The following KBTBD3 variants were observed in gnomAD, a reference collection of about 807,000 sequenced individuals.
The protein encoded by KBTBD3 is kelch repeat and BTB domain-containing protein 3.
In KBTBD3, 38 loss-of-function variants were observed where a neutral mutation model predicts 49.6. The ratio of observed to expected loss-of-function variants is 0.77; its 90% confidence interval spans 0.59 to 1.00. The LOEUF (loss-of-function observed/expected upper bound fraction) is 1.00, where lower values mean the gene tolerates loss of function less well. Ranked by LOEUF, KBTBD3 falls within the 50% of genes least tolerant of loss-of-function variation. KBTBD3 has a pLI of 0.00. For missense variants in KBTBD3, 661 were observed against 712.0 expected (o/e 0.93, Z 0.81); for synonymous variants, 214 against 250.4 (o/e 0.85, Z 1.37).
intron 2 of KBTBD3, among the ~76,000 whole-genome samples, chr11:106,059,872 G>A (rs2135004858): frequency 6.6e-6 from 1 of 152,264 alleles, no homozygotes; most frequent in Non-Finnish European, 1.5e-5. Flanking sequence ...TTGGGAACTT[G>A]GAGAACCAGA....
intron 2 of KBTBD3, among the ~76,000 whole-genome samples, chr11:106,072,695 G>A (rs1686608298): frequency 6.6e-6 from 1 of 152,104 alleles, no homozygotes; most frequent in Non-Finnish European, 1.5e-5. Flanking sequence ...TTAAACTAAA[G>A]CTGTGCTCTG....
chr11:106,054,023 C>A lies in KBTBD3; in HGVS notation c.666G>T (p.Trp222Cys). The change falls in exon 4 of 4, where the codon TGG (tryptophan) becomes TGT (cysteine). Residue 222 changes from tryptophan (W) to cysteine (C), a missense_variant. Trp to Cys is a radical substitution (Grantham distance 215). Coordinates refer to ENST00000531837, the MANE Select transcript of KBTBD3 (RefSeq NM_198439.3). ...GCCTTGATTCTAAGTTATGTTTAGT[C>A]CAACTAAGGACAACTTTCAGTACCA... ...EEMVLKVVLS[W>C]TKHNLESRQK... The A allele has an allele frequency of 3.1e-6, 5 of 1,613,758 alleles. No individual in the cohort carries two copies. The highest frequency in any genetic ancestry group is 4.2e-6 in the Non-Finnish European group (5 of 1,179,854).
Position 106,053,472 on chromosome 11 carries a change from A to T in KBTBD3, c.1217T>A (p.Phe406Tyr). The change falls in exon 4 of 4, where the codon TTT becomes TAT. Residue 406 changes from phenylalanine (F) to tyrosine (Y), a missense_variant. Coordinates refer to ENST00000531837, the MANE Select transcript of KBTBD3 (RefSeq NM_198439.3). ...TCCTCTAGTTTTTCCACCTATGACA[A>T]ATAATCTATCGAGAGCCATAACTGA... Reference protein sequence around the residue: ...HTSVMALDRLFVIGGKTRGSR... With the variant: ...HTSVMALDRLYVIGGKTRGSR... The T allele has an allele frequency of 6.2e-7, 1 of 1,613,774 alleles. No individual in the cohort carries two copies. Among genetic ancestry groups the T allele is most frequent in the Non-Finnish European group, 8.5e-7 (1 of 1,179,858 alleles).
At chr11:106,062,199 G>C (rs1860712866) in intron 2 of KBTBD3, among the ~76,000 whole-genome samples, 1 of 152,130 alleles carries the variant, frequency 6.6e-6, no homozygotes, top group South Asian at 2.1e-4. Flanking sequence ...AAAAATGAGA[G>C]TGGGTATCAT....
Position 106,059,065 on chromosome 11 carries a change from G to A in KBTBD3, c.33C>T (p.Phe11=). The A allele has an allele frequency of 6.4e-7, 1 of 1,551,278 alleles. No homozygotes were observed. The highest frequency in any genetic ancestry group is 8.6e-7 in the Non-Finnish European group (1 of 1,160,592). MELAMDNSYA[F]NQRSTCNGIP... ...TTCCATTACATGTGCTTCGTTGATTGAAAGCATATGAATTATCCATAGCCA... is the reference window on the plus strand; with the variant it reads ...TTCCATTACATGTGCTTCGTTGATTAAAAGCATATGAATTATCCATAGCCA... Residue 11 remains phenylalanine (F), a synonymous_variant, in exon 3 of 4, where the codon TTC becomes TTT. Coordinates refer to ENST00000531837, the MANE Select transcript of KBTBD3 (RefSeq NM_198439.3).
chr11:106,059,680 T>C (rs1022938895), intron 2 of KBTBD3, among the ~76,000 whole-genome samples: 2 of 152,202 alleles, frequency 1.3e-5, no homozygotes, highest in African/African-American at 4.8e-5. Context: ...GTTGGGCTAT[T>C]TAAAAGTAGA....
At position 106,054,232 on chromosome 11, in the gene KBTBD3, T is replaced by C. The variant is rs773704931; in HGVS notation, c.457A>G (p.Asn153Asp). ...DFLIKSINLV[N>D]CLQLLSISDS... is the part of the protein sequence containing the mutation. ...GATATAGATAATAACTGTAAACAAT[T>C]GACAAGATTAATACTTTTTATTAAA... Residue 153 changes from asparagine to aspartate, a missense_variant, in exon 4 of 4, where the codon AAT (asparagine) becomes GAT (aspartate). Physicochemically the swap from Asn to Asp is conservative, Grantham distance 23. Coordinates refer to ENST00000531837, the MANE Select transcript of KBTBD3 (RefSeq NM_198439.3). 3.1e-6 allele frequency: 5 copies of C among 1,612,034 alleles called. No homozygotes were observed. The South Asian group carries it at 3.3e-5, about 11-fold the overall frequency.
At chr11:106,071,019 A>G (rs1421686526) in intron 2 of KBTBD3, among the ~76,000 whole-genome samples, 1 of 152,122 alleles carries the variant, frequency 6.6e-6, no homozygotes, top group African/African-American at 2.4e-5. Context: ...GTATGCACCC[A>G]TATGGGGAAA....
intron 3 of KBTBD3, chr11:106,057,963 C>G (rs1860588159): frequency 5.0e-6 from 2 of 398,094 alleles, no homozygotes; most frequent in Non-Finnish European, 4.4e-6. Context: ...CCAAACAAAG[C>G]TGACACCATC....
chr11:106,063,736 T>C (rs1310979009), intron 2 of KBTBD3, among the ~76,000 whole-genome samples: 1 of 152,080 alleles, frequency 6.6e-6, no homozygotes, highest in East Asian at 1.9e-4. Flanking sequence ...ATCGACACCA[T>C]CCTGGCCAAC....
intron 2 of KBTBD3, among the ~76,000 whole-genome samples, chr11:106,068,957 A>C (rs547397887): frequency 1.3e-5 from 2 of 152,306 alleles, no homozygotes; most frequent in South Asian, 2.1e-4. Flanking sequence ...AAAACACAAG[A>C]CCATATCAAC....
chr11:106,073,162 C>T (rs1277437317), intron 2 of KBTBD3, among the ~76,000 whole-genome samples: 1 of 151,832 alleles, frequency 6.6e-6, no homozygotes. Context: ...GGCAAGATCA[C>T]AGCTCACTGA....
At position 106,051,791 on chromosome 11, in the gene KBTBD3, T is replaced by G. The variant is rs1277715060; in HGVS notation, c.*1059A>C. On this transcript the variant is annotated 3_prime_UTR_variant, in exon 4 of 4. Transcript: ENST00000531837. ...CAATACCAAAAGCCAAGTCATTTTT[T>G]TTAATTTAGAAAATAATTCACTAAG... 1.3e-5 allele frequency: 2 copies of G among 151,862 alleles called. No individual in the cohort carries two copies. The highest frequency in any genetic ancestry group is 2.9e-5 in the Non-Finnish European group (2 of 67,820). The allele number at this position is 151,862 out of a possible 1,614,324, so 9.4% of individuals were successfully genotyped here.
intron 2 of KBTBD3, among the ~76,000 whole-genome samples, chr11:106,067,632 A>G (rs936032152): frequency 9.2e-5 from 14 of 152,128 alleles, no homozygotes; most frequent in African/African-American, 2.9e-4. Flanking sequence ...GGTCTATTCA[A>G]AGAGATAACG....
intron 3 of KBTBD3, among the ~76,000 whole-genome samples, chr11:106,055,636 GC>G (rs893547212): frequency 6.6e-6 from 1 of 152,080 alleles, no homozygotes; most frequent in African/African-American, 2.4e-5. Context: ...GGTCCATAGG[GC>G]CCAGCTGCCA....
intron 2 of KBTBD3, among the ~76,000 whole-genome samples, chr11:106,073,448 A>C (rs971875759): frequency 1.3e-5 from 2 of 151,968 alleles, no homozygotes; most frequent in South Asian, 2.1e-4. Flanking sequence ...TCAAAAAAAA[A>C]ACTGGATAAA....
intron 2 of KBTBD3, among the ~76,000 whole-genome samples, chr11:106,066,878 C>CAT (rs918426432): frequency 2.0e-5 from 3 of 151,434 alleles, no homozygotes; most frequent in Admixed American, 6.6e-5. Context: ...TATAAATAAA[C>CAT]ATATATATAC....
intron 2 of KBTBD3, chr11:106,075,388 T>C (rs1261000579): frequency 1.3e-5 from 2 of 152,052 alleles, no homozygotes; most frequent in African/African-American, 4.8e-5. Flanking sequence ...TATTGTGGAG[T>C]CATTAATAAC....
intron 2 of KBTBD3, among the ~76,000 whole-genome samples, chr11:106,074,153 G>A (rs1860984424): frequency 7.0e-6 from 1 of 142,374 alleles, no homozygotes; most frequent in African/African-American, 2.6e-5. Context: ...CATACATTAA[G>A]AGCTTCTCCC....
Sources: allele counts gnomAD v4.1 joint callset (sites outside exome capture counted in the v4.1 genomes callset), GRCh38; gene constraint gnomAD v4.1.1; transcripts MANE v1.5; gene names NCBI Gene and HGNC (gene_info 2026-07-23, HGNC 2026-07-21).